SEMA5A: variants seen among roughly 807,000 people sequenced by gnomAD.
SEMA5A encodes the protein semaphorin 5A.
Under a neutral mutation model 135.5 loss-of-function variants are expected in SEMA5A, and 55 were observed. That is an observed-to-expected ratio of 0.41 (90% CI 0.33 to 0.51). The LOEUF (loss-of-function observed/expected upper bound fraction) is 0.51, where lower values mean the gene tolerates loss of function less well. SEMA5A is among the 20% of genes least tolerant of loss of function. The pLI is 0.37. For missense variants in SEMA5A, 1,290 were observed against 1,419.9 expected (o/e 0.91, Z 1.47); for synonymous variants, 580 against 546.5 (o/e 1.06, Z -0.85).
At chr5:9,213,485 G>T (rs1336423727) in intron 8 of SEMA5A, among the ~76,000 whole-genome samples, 5 of 152,182 alleles carry the variant, frequency 3.3e-5, no homozygotes, top group African/African-American at 1.2e-4. Flanking sequence ...TGAGGCTTGG[G>T]TTCCATTAAG....
At chr5:9,420,772 T>C (rs1170216355) in intron 2 of SEMA5A, among the ~76,000 whole-genome samples, 1 of 152,068 alleles carries the variant, frequency 6.6e-6, no homozygotes, top group Non-Finnish European at 1.5e-5. Context: ...CCCAACACTT[T>C]GGGAGGTGGA....
intron 3 of SEMA5A, among the ~76,000 whole-genome samples, chr5:9,356,691 T>C (rs962022517): frequency 6.6e-6 from 1 of 152,182 alleles, no homozygotes; most frequent in Non-Finnish European, 1.5e-5. Flanking sequence ...CTTTCTTTGT[T>C]TGCAACCGGG....
At chr5:9,195,296 G>T (rs1269266101) in intron 10 of SEMA5A, among the ~76,000 whole-genome samples, 1 of 152,040 alleles carries the variant, frequency 6.6e-6, no homozygotes, top group African/African-American at 2.4e-5. Flanking sequence ...CTCCCAAATA[G>T]CTAGGACTAT....
chr5:9,206,272 T>C (rs552084284), intron 8 of SEMA5A, among the ~76,000 whole-genome samples: 1 of 152,266 alleles, frequency 6.6e-6, no homozygotes, highest in Non-Finnish European at 1.5e-5. Context: ...GGAGAAACTG[T>C]TTTTTCTAAT....
Position 9,545,742 on chromosome 5 carries a change from G to A in SEMA5A, c.-333C>T, listed in dbSNP as rs1738357211. 6.6e-6 allele frequency: 1 copy of A among 152,390 alleles called. No individual in the cohort carries two copies. Among genetic ancestry groups the A allele is most frequent in the Non-Finnish European group, 1.5e-5 (1 of 68,222 alleles). The allele number at this position is 152,390 out of a possible 1,614,324, so 9.4% of individuals were successfully genotyped here. A position where few individuals can be genotyped will look rare whatever the true frequency, so the allele number is the denominator to read the frequency against. On this transcript the variant is annotated 5_prime_UTR_variant, in exon 1 of 23. Coordinates refer to ENST00000382496, the MANE Select transcript of SEMA5A (RefSeq NM_003966.3). The surrounding 1 kb of genome is among the most constrained non-coding windows in gnomAD (Gnocchi z 4.5). ...CCCCTACTCGCTGAGTTCCAGAATG[G>A]GGGCACCGGCTTGGGGGCCACGAGC...
At chr5:9,471,004 A>C (rs1460153822) in intron 1 of SEMA5A, among the ~76,000 whole-genome samples, 4 of 152,162 alleles carry the variant, frequency 2.6e-5, no homozygotes, top group Admixed American at 6.5e-5. Flanking sequence ...TATGATAAGG[A>C]GGGCTTTCTC....
chr5:9,542,539 TGTTA>T (rs1205170222), intron 1 of SEMA5A, among the ~76,000 whole-genome samples: 1 of 152,226 alleles, frequency 6.6e-6, no homozygotes, highest in Non-Finnish European at 1.5e-5. Context: ...TAACTCAATT[TGTTA>T]GACACCATAA....
At chr5:9,386,100 G>A (rs1419928457) in intron 2 of SEMA5A, among the ~76,000 whole-genome samples, 1 of 152,058 alleles carries the variant, frequency 6.6e-6, no homozygotes, top group Admixed American at 6.6e-5. Context: ...ACGCCCAGCT[G>A]GAACGTGCTT....
chr5:9,221,316 T>G (rs950797744), intron 8 of SEMA5A, among the ~76,000 whole-genome samples: 9 of 148,466 alleles, frequency 6.1e-5, no homozygotes, highest in African/African-American at 2.0e-4. Flanking sequence ...TTTTTTTTTT[T>G]TTTTGAGACG....
chr5:9,092,843 T>TA (rs1382379594), intron 16 of SEMA5A, among the ~76,000 whole-genome samples: 1 of 152,220 alleles, frequency 6.6e-6, no homozygotes, highest in Non-Finnish European at 1.5e-5. Flanking sequence ...ATTACCTTTT[T>TA]AAAAAATCAC....
chr5:9,436,031 G>T (rs1356671673), intron 2 of SEMA5A, among the ~76,000 whole-genome samples: 1 of 152,208 alleles, frequency 6.6e-6, no homozygotes, highest in Non-Finnish European at 1.5e-5. Flanking sequence ...TAAGAAGATA[G>T]AATCAAATCC....
In SEMA5A at chr5:9,066,568, T is replaced by C; in HGVS notation, c.2152A>G (p.Ile718Val). Residue 718 changes from isoleucine to valine, a missense_variant, in exon 17 of 23, where the codon ATC (isoleucine) becomes GTC (valine). Around this residue, in one of 3 missense-constraint regions of SEMA5A, gnomAD observed 1,029 missense variants for 1,086.6 expected, o/e 0.95. Coordinates refer to ENST00000382496, the MANE Select transcript of SEMA5A (RefSeq NM_003966.3). Reference sequence around the variant, plus strand: ...TCATAGTGGCCGCCGTTGTCAGAGATGTTGACAGGTGTCCAGGGTGTCCAG... The same window carrying C: ...TCATAGTGGCCGCCGTTGTCAGAGACGTTGACAGGTGTCCAGGGTGTCCAG... ...TPWTPWTPVN[I>V]SDNGGHYEQR... The C allele has an allele frequency of 6.2e-7, 1 of 1,614,178 alleles. No homozygotes were observed. Among genetic ancestry groups the C allele is most frequent in the Non-Finnish European group, 8.5e-7 (1 of 1,180,026 alleles).
Position 9,078,586 on chromosome 5 carries a change from T to TACACAC in SEMA5A, c.2074-11946_2074-11941dup, listed in dbSNP as rs145598030. Among the ~76,000 whole-genome samples, 14 of 146,546 alleles carry TACACAC rather than the reference T, an allele frequency of 9.6e-5. No individual in the cohort carries two copies. In the East Asian group the frequency reaches 2.2e-3, roughly 23 times the overall value. On this transcript the variant is annotated intron_variant, in intron 16 of 22. Coordinates refer to ENST00000382496, the MANE Select transcript of SEMA5A (RefSeq NM_003966.3). ...GACCAGAAAATTTCAGCTGGGTATGTACACACACACACACACACACACACA... is the reference window on the plus strand; with the variant it reads ...GACCAGAAAATTTCAGCTGGGTATGTACACACACACACACACACACACACACACACA...
intron 8 of SEMA5A, among the ~76,000 whole-genome samples, chr5:9,212,536 T>C (rs1161154593): frequency 6.6e-6 from 1 of 152,168 alleles, no homozygotes; most frequent in Non-Finnish European, 1.5e-5. Flanking sequence ...CAATAAATAA[T>C]GGCTGGAAAT....
chr5:9,353,765 A>G (rs1415471016), intron 3 of SEMA5A, among the ~76,000 whole-genome samples: 4 of 152,074 alleles, frequency 2.6e-5, no homozygotes, highest in Non-Finnish European at 5.9e-5. Flanking sequence ...TCGTTTTGAA[A>G]CTCCAGCTAA....
chr5:9,386,764 T>C (rs1018317316), intron 2 of SEMA5A, among the ~76,000 whole-genome samples: 2 of 151,952 alleles, frequency 1.3e-5, no homozygotes, highest in African/African-American at 2.4e-5. Flanking sequence ...CTCTCTTTTA[T>C]TGTAAACAAT....
intron 11 of SEMA5A, among the ~76,000 whole-genome samples, chr5:9,177,425 G>A (rs1744264367): frequency 6.6e-6 from 1 of 152,204 alleles, no homozygotes; most frequent in African/African-American, 2.4e-5. Flanking sequence ...CAATATGCCT[G>A]AGGTTCTATG....
At chr5:9,243,471 T>C (rs1257343294) in intron 5 of SEMA5A, among the ~76,000 whole-genome samples, 3 of 152,168 alleles carry the variant, frequency 2.0e-5, no homozygotes, top group African/African-American at 7.2e-5. Flanking sequence ...ATTCTGGGAA[T>C]CTGCATGGAC....
At chr5:9,319,657 T>C (rs1305864930) in intron 4 of SEMA5A, among the ~76,000 whole-genome samples, 1 of 151,994 alleles carries the variant, frequency 6.6e-6, no homozygotes, top group Admixed American at 6.6e-5. Context: ...CAAATAATAA[T>C]GTCAAGAACA....
Sources: gnomAD v4.1 joint callset for allele counts (sites outside exome capture counted in the v4.1 genomes callset) on GRCh38, gnomAD v4.1.1 for gene constraint, gnomAD v4.1.1 regional missense constraint, Gnocchi (gnomAD v3.1) non-coding constraint, MANE v1.5 for transcripts, NCBI Gene and HGNC (gene_info 2026-07-23, HGNC 2026-07-21) for gene names.